The following BRSK2 variants were observed in gnomAD, a reference collection of about 807,000 sequenced individuals.
BRSK2 encodes the protein BR serine/threonine kinase 2, also known as serine/threonine-protein kinase BRSK2.
BRSK2 carries 19 observed loss-of-function variants against 83.3 expected under a neutral mutation model. That is an observed-to-expected ratio of 0.23 (90% CI 0.16 to 0.33). The LOEUF is 0.33. BRSK2 is among the 10% of genes least tolerant of loss of function. BRSK2 has a pLI of 1.00. For synonymous variants in BRSK2, 519 were observed against 435.4 expected, an observed-to-expected ratio of 1.19 and a Z score of -2.39; for missense variants, 798 against 1,042.3, an observed-to-expected ratio of 0.77 and a Z score of 3.23.
At chr11:1,448,328 C>T (rs956465975) in intron 12 of BRSK2, among the ~76,000 whole-genome samples, 14 of 152,164 alleles carry the variant, frequency 9.2e-5, no homozygotes, top group African/African-American at 2.4e-4. Context: ...CGGGTGGCGC[C>T]GCCCCCAAGG....
At chr11:1,411,731 C>T in intron 1 of BRSK2, 1 of 1,488,636 alleles carries the variant, frequency 6.7e-7, no homozygotes, top group Admixed American at 2.0e-5. Flanking sequence ...GGGGACCTCG[C>T]CAGCACTGGT....
chr11:1,428,591 A>G (rs74046951), intron 1 of BRSK2, among the ~76,000 whole-genome samples: 34,427 of 152,042 alleles, frequency 0.23, 4,111 homozygotes, highest in African/African-American at 0.25. Context: ...TCCTTTCAAT[A>G]AAGTTGGCCC....
At chr11:1,420,730 TG>T in intron 1 of BRSK2, among the ~76,000 whole-genome samples, 1 of 152,322 alleles carries the variant, frequency 6.6e-6, no homozygotes, top group East Asian at 1.9e-4. Context: ...GCCTCCTCCC[TG>T]GCTGTCACCC....
At chr11:1,443,053 G>A in intron 5 of BRSK2, 53 bp from the exon 6 acceptor site, 4 of 1,517,612 alleles carry the variant, frequency 2.6e-6, no homozygotes, top group East Asian at 2.5e-5. Flanking sequence ...ACCCTGGGGG[G>A]AGGGCCTGGC....
At chr11:1,440,305 C>G (rs1303643744) in intron 3 of BRSK2, among the ~76,000 whole-genome samples, 1 of 152,190 alleles carries the variant, frequency 6.6e-6, no homozygotes, top group Admixed American at 6.5e-5. Flanking sequence ...CTCACACCTC[C>G]TGTTCCCCCC....
intron 1 of BRSK2, among the ~76,000 whole-genome samples, chr11:1,418,051 TG>T (rs1222196666): frequency 6.8e-6 from 1 of 148,148 alleles, no homozygotes; most frequent in African/African-American, 2.5e-5. Flanking sequence ...GTGGTTCTCC[TG>T]TGTCCTGCTT....
intron 12 of BRSK2, among the ~76,000 whole-genome samples, chr11:1,448,277 CAA>C (rs1453378067): frequency 2.2e-4 from 34 of 152,324 alleles, no homozygotes; most frequent in Admixed American, 1.1e-3. Flanking sequence ...GCGCCGCCGT[CAA>C]GAGGGGCCTC....
At position 1,460,655 on chromosome 11, in the gene BRSK2, G is replaced by A. The variant is rs538402952; in HGVS notation, c.2143G>A (p.Ala715Thr). 1.2e-5 allele frequency: 19 copies of A among 1,527,438 alleles called. No homozygotes were observed. Among genetic ancestry groups the A allele is most frequent in the Admixed American group, 4.0e-5 (2 of 50,616 alleles). 94.6% of individuals were successfully genotyped at this position (1,527,438 alleles called of 1,614,324 possible). Residue 715 changes from alanine (A) to threonine (T), a missense_variant, in exon 20 of 20, where the codon GCC (alanine) becomes ACC (threonine). Around this residue, in one of 6 missense-constraint regions of BRSK2, gnomAD observed 455 missense variants for 455.2 expected, o/e 1.00. Transcript: ENST00000528841. ...CGCTGGCCCTGGCCCCGGAGGGGAC[G>A]CCGAGTACCCAACGGGCAAGGACAC... ...AAAGPGPGGD[A>T]EYPTGKDTAK...
chr11:1,391,928 C>T (rs1285669167), intron 1 of BRSK2, among the ~76,000 whole-genome samples: 15 of 152,046 alleles, frequency 9.9e-5, no homozygotes, highest in Admixed American at 8.5e-4. Context: ...CAGTTAATTA[C>T]GGGAGGTTTC....
intron 12 of BRSK2, among the ~76,000 whole-genome samples, chr11:1,447,283 G>A (rs548714367): frequency 1.3e-5 from 2 of 152,320 alleles, no homozygotes; most frequent in African/African-American, 4.8e-5. Flanking sequence ...TCCTGCCTGC[G>A]TGGCCACCTC....
intron 14 of BRSK2, among the ~76,000 whole-genome samples, chr11:1,451,058 G>A (rs1845761159): frequency 6.6e-6 from 1 of 152,250 alleles, no homozygotes; most frequent in Non-Finnish European, 1.5e-5. Flanking sequence ...AGCAAGGAGA[G>A]CTGGCCACCG....
At chr11:1,449,607 G>A (rs1320621366) in intron 12 of BRSK2, among the ~76,000 whole-genome samples, 169 bp from the exon 13 acceptor site, 3 of 152,110 alleles carry the variant, frequency 2.0e-5, no homozygotes, top group East Asian at 1.9e-4. Flanking sequence ...ACAGCCAGGC[G>A]CCCTGGGCCC....
In BRSK2 at chr11:1,445,395, G is replaced by A. The variant is rs200112243; in HGVS notation, c.914G>A (p.Ser305Asn). ...GACATCGACCCCGACGTGCTGGACAGCATGCACTCACTGGGCTGCTTCCGA... is the reference window on the plus strand; with the variant it reads ...GACATCGACCCCGACGTGCTGGACAACATGCACTCACTGGGCTGCTTCCGA... Reference protein sequence around the residue: ...LEDIDPDVLDSMHSLGCFRDR... With the variant: ...LEDIDPDVLDNMHSLGCFRDR... The change falls in exon 10 of 20, where the codon AGC becomes AAC. Residue 305 changes from serine to asparagine, a missense_variant. Ser to Asn is a conservative substitution (Grantham distance 46). Around this residue, in one of 6 missense-constraint regions of BRSK2, gnomAD observed 145 missense variants for 225.4 expected, o/e 0.64. Transcript: ENST00000528841. 3 of 1,612,036 alleles carry A rather than the reference G, an allele frequency of 1.9e-6. No homozygotes were observed. The highest frequency in any genetic ancestry group is 2.5e-6 in the Non-Finnish European group (3 of 1,179,680).
intron 18 of BRSK2, 98 bp from the exon 19 acceptor site, chr11:1,459,094 C>A: frequency 8.0e-7 from 1 of 1,255,730 alleles, no homozygotes. Context: ...CCACTCCTGG[C>A]TCCACCCCCT....
At chr11:1,406,814 G>T (rs1846905933) in intron 1 of BRSK2, among the ~76,000 whole-genome samples, 1 of 152,206 alleles carries the variant, frequency 6.6e-6, no homozygotes, top group African/African-American at 2.4e-5. Context: ...GAAAAGAGGA[G>T]CCCAGGCATC....
rs1847402556 is a variant in BRSK2 at position 1,460,788 on chromosome 11, T to TGCCCC, written c.*67_*71dup. 9.2e-6 allele frequency: 12 copies of TGCCCC among 1,311,050 alleles called. No individual in the cohort carries two copies. Among genetic ancestry groups the TGCCCC allele is most frequent in the South Asian group, 4.6e-5 (3 of 65,496 alleles). 81.2% of individuals were successfully genotyped at this position (1,311,050 alleles called of 1,614,324 possible). A position where few individuals can be genotyped will look rare whatever the true frequency, so the allele number is the denominator to read the frequency against. On this transcript the variant is annotated 3_prime_UTR_variant, in exon 20 of 20. Transcript: ENST00000528841. ...CTGCCTCGCCGCCCGCCGCCCGCCC[T>TGCCCC]GCCCCGAGTGGACCCGCGGCCGCGC... is the stretch of plus-strand genomic sequence containing the variant.
intron 1 of BRSK2, among the ~76,000 whole-genome samples, chr11:1,417,063 G>A (rs1848174362): frequency 6.6e-6 from 1 of 152,200 alleles, no homozygotes; most frequent in Non-Finnish European, 1.5e-5. Context: ...GGAGGCTGAG[G>A]CAGGAGAATT....
intron 1 of BRSK2, among the ~76,000 whole-genome samples, chr11:1,406,094 G>T (rs1238533639): frequency 1.3e-5 from 2 of 151,962 alleles, no homozygotes; most frequent in Non-Finnish European, 2.9e-5. Context: ...GGTGTCCCTC[G>T]GCCAGCGGCT....
chr11:1,436,687 G>A (rs115237492), intron 2 of BRSK2, among the ~76,000 whole-genome samples: 1,719 of 152,222 alleles, frequency 0.011, 31 homozygotes, highest in African/African-American at 0.039. Context: ...CCTGGGTGTA[G>A]AGGAAGAGGC....
Sources: allele counts gnomAD v4.1 joint callset (sites outside exome capture counted in the v4.1 genomes callset), GRCh38; gene constraint gnomAD v4.1.1; regional missense constraint gnomAD v4.1.1; transcripts MANE v1.5; gene names NCBI Gene and HGNC (gene_info 2026-07-23, HGNC 2026-07-21).